The following NXPH2 variants were observed in gnomAD, a reference collection of about 807,000 sequenced individuals.
NXPH2 encodes neurexophilin-2.
NXPH2 carries 5 observed loss-of-function variants against 19.8 expected under a neutral mutation model. That is an observed-to-expected ratio of 0.25 (90% CI 0.13 to 0.53). The LOEUF is 0.53. NXPH2 is among the 20% of genes least tolerant of loss of function. The probability of loss-of-function intolerance (pLI) is 0.96; values close to 1 mark genes in which losing one functional copy is unlikely to be tolerated. For missense variants in NXPH2, 289 were observed against 322.8 expected (o/e 0.90, Z 0.80); for synonymous variants, 154 against 127.4 (o/e 1.21, Z -1.41).
intron 1 of NXPH2, among the ~76,000 whole-genome samples, chr2:138,701,260 G>T (rs1573959183): frequency 6.6e-6 from 1 of 152,280 alleles, no homozygotes; most frequent in Middle Eastern, 3.4e-3. Flanking sequence ...CTTTAGCCTG[G>T]TGTGGTATCA....
At chr2:138,674,825 T>C (rs1401106901) in intron 1 of NXPH2, among the ~76,000 whole-genome samples, 1 of 152,214 alleles carries the variant, frequency 6.6e-6, no homozygotes, top group Non-Finnish European at 1.5e-5. Context: ...TTGCTGCCCA[T>C]AGTCTACTAC....
chr2:138,689,654 C>A (rs1295726903), intron 1 of NXPH2, among the ~76,000 whole-genome samples: 50 of 152,184 alleles, frequency 3.3e-4, no homozygotes, highest in Admixed American at 3.3e-3. Flanking sequence ...TGCTTCATTT[C>A]TCACTGTACT....
chr2:138,692,937 C>A (rs1015954258), intron 1 of NXPH2, among the ~76,000 whole-genome samples: 5 of 152,168 alleles, frequency 3.3e-5, no homozygotes, highest in Admixed American at 6.6e-5. Context: ...ATAAATTAAA[C>A]TTTTTCCATT....
chr2:138,693,821 A>G (rs1680785556), intron 1 of NXPH2, among the ~76,000 whole-genome samples: 1 of 152,176 alleles, frequency 6.6e-6, no homozygotes, highest in South Asian at 2.1e-4. Flanking sequence ...CACCTATGAC[A>G]GTGTTATGGG....
At chr2:138,762,779 G>A (rs1682036181) in intron 1 of NXPH2, among the ~76,000 whole-genome samples, 1 of 152,146 alleles carries the variant, frequency 6.6e-6, no homozygotes, top group African/African-American at 2.4e-5. Flanking sequence ...ACAGTATGCA[G>A]ATGACACTCT....
intron 1 of NXPH2, among the ~76,000 whole-genome samples, chr2:138,705,569 T>C (rs1227234166): frequency 6.6e-6 from 1 of 152,194 alleles, no homozygotes; most frequent in Non-Finnish European, 1.5e-5. Flanking sequence ...ATTATCTAAA[T>C]GAATTCCCTG....
chr2:138,774,680 T>TAC (rs146126789), intron 1 of NXPH2, among the ~76,000 whole-genome samples: 1 of 152,156 alleles, frequency 6.6e-6, no homozygotes, highest in African/African-American at 2.4e-5. Context: ...TGTGCACACA[T>TAC]ACACACACAC....
intron 1 of NXPH2, among the ~76,000 whole-genome samples, chr2:138,744,871 C>G (rs1299177853): frequency 2.0e-5 from 3 of 152,110 alleles, no homozygotes; most frequent in Non-Finnish European, 4.4e-5. Flanking sequence ...GGACTTTTTC[C>G]CATCTCCATG....
intron 1 of NXPH2, among the ~76,000 whole-genome samples, chr2:138,727,369 T>G (rs1237155447): frequency 6.6e-6 from 1 of 152,202 alleles, no homozygotes; most frequent in Admixed American, 6.5e-5. Flanking sequence ...AAATTCCTAT[T>G]GTTCAACATC....
At chr2:138,738,902 G>T (rs1221611562) in intron 1 of NXPH2, among the ~76,000 whole-genome samples, 2 of 152,138 alleles carry the variant, frequency 1.3e-5, no homozygotes, top group African/African-American at 2.4e-5. Context: ...ATAAGACCTT[G>T]TCTGCATGCA....
chr2:138,776,775 CAGA>C (rs1163320738), intron 1 of NXPH2, among the ~76,000 whole-genome samples: 1 of 151,746 alleles, frequency 6.6e-6, no homozygotes, highest in African/African-American at 2.4e-5. Flanking sequence ...CTTGTAAGTA[CAGA>C]AGAAGAAATA....
intron 1 of NXPH2, among the ~76,000 whole-genome samples, chr2:138,718,607 TATGACTTGA>T (rs1177295296): frequency 1.3e-5 from 2 of 152,052 alleles, no homozygotes; most frequent in African/African-American, 4.8e-5. Flanking sequence ...AGCAGCTGAA[TATGACTTGA>T]AAAGGGAGAA....
chr2:138,774,534 T>TA, intron 1 of NXPH2, among the ~76,000 whole-genome samples: 1 of 152,206 alleles, frequency 6.6e-6, no homozygotes, highest in Non-Finnish European at 1.5e-5. Flanking sequence ...GAACCCCTGT[T>TA]ACAACATATT....
At chr2:138,720,389 A>G (rs1681259924) in intron 1 of NXPH2, among the ~76,000 whole-genome samples, 1 of 152,226 alleles carries the variant, frequency 6.6e-6, no homozygotes, top group Admixed American at 6.5e-5. Flanking sequence ...GTCATTATAA[A>G]CTGAACAAAC....
intron 1 of NXPH2, among the ~76,000 whole-genome samples, chr2:138,772,114 C>A (rs1016492407): frequency 2.0e-5 from 3 of 152,110 alleles, no homozygotes; most frequent in African/African-American, 4.8e-5. Flanking sequence ...CGTGAACCCA[C>A]ACTTTCTCTC....
chr2:138,719,167 T>A (rs1027738226), intron 1 of NXPH2, among the ~76,000 whole-genome samples: 2 of 152,194 alleles, frequency 1.3e-5, no homozygotes, highest in South Asian at 4.1e-4. Flanking sequence ...TATAATGGAA[T>A]ACTGAGTGGT....
intron 1 of NXPH2, among the ~76,000 whole-genome samples, chr2:138,688,845 G>A (rs1203014950): frequency 2.0e-5 from 3 of 152,052 alleles, no homozygotes; most frequent in Admixed American, 1.3e-4. Context: ...ACCCCCGGCC[G>A]AAACTGCCTT....
At chr2:138,704,799 T>A (rs1303949473) in intron 1 of NXPH2, among the ~76,000 whole-genome samples, 1 of 151,068 alleles carries the variant, frequency 6.6e-6, no homozygotes, top group Non-Finnish European at 1.5e-5. Flanking sequence ...TGGGACTACA[T>A]GTGTGCACCA....
intron 1 of NXPH2, among the ~76,000 whole-genome samples, chr2:138,778,915 C>A (rs536626050): frequency 6.6e-6 from 1 of 152,146 alleles, no homozygotes; most frequent in African/African-American, 2.4e-5. Flanking sequence ...TCTGAGTTAA[C>A]GCTGTGCAGG....
Sources: allele counts gnomAD v4.1 joint callset (sites outside exome capture counted in the v4.1 genomes callset), GRCh38; gene constraint gnomAD v4.1.1; transcripts MANE v1.5; gene names NCBI Gene and HGNC (gene_info 2026-07-23, HGNC 2026-07-21).